PTPN21: variants seen among roughly 807,000 people sequenced by gnomAD.
PTPN21 encodes protein tyrosine phosphatase non-receptor type 21, also known as tyrosine-protein phosphatase non-receptor type 21.
Under a neutral mutation model 131.8 loss-of-function variants are expected in PTPN21, and 77 were observed. That is an observed-to-expected ratio of 0.58 (90% CI 0.49 to 0.71). The LOEUF is 0.71. Ranked by LOEUF, PTPN21 falls within the 30% of genes least tolerant of loss-of-function variation. PTPN21 has a pLI of 0.00. For synonymous variants in PTPN21, 715 were observed against 621.3 expected, an observed-to-expected ratio of 1.15 and a Z score of -2.24; for missense variants, 1,552 against 1,527.1, an observed-to-expected ratio of 1.02 and a Z score of -0.27.
intron 10 of PTPN21, among the ~76,000 whole-genome samples, chr14:88,488,449 G>GTC (rs2077769615): frequency 6.6e-6 from 1 of 152,144 alleles, no homozygotes; most frequent in African/African-American, 2.4e-5. Flanking sequence ...AGTTCTAATA[G>GTC]TCTAACCTTC....
intron 6 of PTPN21, chr14:88,503,978 G>T (rs2078050777): frequency 1.3e-5 from 2 of 159,270 alleles, no homozygotes; most frequent in African/African-American, 4.8e-5. Context: ...TCTTAGCATA[G>T]CTCCCCAGGT....
At chr14:88,542,644 T>G (rs2078722730) in intron 2 of PTPN21, among the ~76,000 whole-genome samples, 1 of 152,256 alleles carries the variant, frequency 6.6e-6, no homozygotes, top group Non-Finnish European at 1.5e-5. Flanking sequence ...TAGAATAGAC[T>G]TTAAAATGCA....
chr14:88,494,204 A>G (rs1373084653), intron 10 of PTPN21, among the ~76,000 whole-genome samples: 3 of 152,090 alleles, frequency 2.0e-5, no homozygotes, highest in African/African-American at 7.2e-5. Flanking sequence ...TGAGGGAGCA[A>G]GGCAGGTGGA....
chr14:88,503,056 T>C (rs1439259316), intron 6 of PTPN21, among the ~76,000 whole-genome samples: 2 of 150,432 alleles, frequency 1.3e-5, no homozygotes, highest in African/African-American at 4.9e-5. Context: ...TCTTTTTCTT[T>C]TTTTTTTTTT....
intron 8 of PTPN21, among the ~76,000 whole-genome samples, chr14:88,497,743 C>T (rs2077944099): frequency 6.6e-6 from 1 of 152,014 alleles, no homozygotes; most frequent in Admixed American, 6.5e-5. Flanking sequence ...CGCACCACTG[C>T]ACTCCAACCT....
chr14:88,485,128 T>C lies in PTPN21; in HGVS notation c.1026A>G (p.Pro342=), dbSNP rs761099302. The part of the protein sequence containing the change: ...PKPQPYVMPP[P]PQLHYNGHYT... ...AATGTCCATTATAGTGCAACTGCGGTGGGGGAGGCATCACGTAGGGCTGGG... is the reference window on the plus strand; with the variant it reads ...AATGTCCATTATAGTGCAACTGCGGCGGGGGAGGCATCACGTAGGGCTGGG... The change falls in exon 12 of 19, where the codon CCA becomes CCG. Residue 342 remains proline (P), a synonymous_variant. Transcript: ENST00000556564. 5.0e-6 allele frequency: 8 copies of C among 1,606,956 alleles called. No individual in the cohort carries two copies. Among genetic ancestry groups the C allele is most frequent in the Non-Finnish European group, 6.8e-6 (8 of 1,175,250 alleles).
intron 2 of PTPN21, among the ~76,000 whole-genome samples, chr14:88,536,300 A>G (rs1386267656): frequency 1.3e-5 from 2 of 152,212 alleles, no homozygotes; most frequent in Non-Finnish European, 2.9e-5. Context: ...ATTTCTTCAT[A>G]GTTGTTTAAA....
intron 12 of PTPN21, among the ~76,000 whole-genome samples, chr14:88,483,344 C>A (rs2077681334): frequency 6.6e-6 from 1 of 151,784 alleles, no homozygotes; most frequent in Non-Finnish European, 1.5e-5. Flanking sequence ...GTGAGACTAA[C>A]AATGCAGAGG....
At chr14:88,519,796 T>C (rs2078361986) in intron 2 of PTPN21, among the ~76,000 whole-genome samples, 1 of 152,216 alleles carries the variant, frequency 6.6e-6, no homozygotes, top group Non-Finnish European at 1.5e-5. Flanking sequence ...TCTTGCTTCT[T>C]AGTTGCCACC....
At chr14:88,518,273 T>TATACACAC (rs763756368) in intron 2 of PTPN21, among the ~76,000 whole-genome samples, 7 of 68,226 alleles carry the variant, frequency 1.0e-4, no homozygotes, top group African/African-American at 5.1e-4. Context: ...TATATATATA[T>TATACACAC]ACACACACAC....
chr14:88,511,400 C>T (rs73317739), intron 3 of PTPN21, among the ~76,000 whole-genome samples: 52,731 of 151,844 alleles, frequency 0.35, 9,749 homozygotes, highest in African/African-American at 0.48. Flanking sequence ...AGGCCTGCTG[C>T]GGTGGCTCAT....
chr14:88,466,744 T>TAAAC lies in PTPN21; in HGVS notation c.*1389_*1392dup, dbSNP rs952425401. On this transcript the variant is annotated 3_prime_UTR_variant, in exon 19 of 19. Transcript: ENST00000556564. ...CTAAATGGGATGGGTGAGGGGGCAC[T>TAAAC]AAACAGCTAACACTGGCCAGGGAAT... 1 of 129,454 alleles carries TAAAC rather than the reference T, an allele frequency of 7.7e-6. No homozygotes were observed. The highest frequency in any genetic ancestry group is 2.9e-5 in the African/African-American group (1 of 34,914). 8.0% of individuals were successfully genotyped at this position (129,454 alleles called of 1,614,324 possible). A position where few individuals can be genotyped will look rare whatever the true frequency, so the allele number is the denominator to read the frequency against.
chr14:88,487,098 T>G (rs2077748585), intron 10 of PTPN21, among the ~76,000 whole-genome samples: 1 of 150,694 alleles, frequency 6.6e-6, no homozygotes, highest in South Asian at 2.1e-4. Flanking sequence ...AACAATAAGG[T>G]AAAAAAAGGA....
At chr14:88,489,448 TGG>T (rs2077789019) in intron 10 of PTPN21, among the ~76,000 whole-genome samples, 1 of 151,836 alleles carries the variant, frequency 6.6e-6, no homozygotes, top group African/African-American at 2.4e-5. Flanking sequence ...AAGACCAGCC[TGG>T]GCAACACAGC....
intron 12 of PTPN21, among the ~76,000 whole-genome samples, chr14:88,484,094 T>G (rs1595357689): frequency 6.6e-6 from 1 of 150,462 alleles, no homozygotes; most frequent in African/African-American, 2.5e-5. Flanking sequence ...CAGGCTGGAG[T>G]GCAGTAGCAC....
chr14:88,518,967 C>T (rs1045142887), intron 2 of PTPN21, among the ~76,000 whole-genome samples: 1 of 117,118 alleles, frequency 8.5e-6, no homozygotes, highest in Non-Finnish European at 1.8e-5. Flanking sequence ...GGTGAATTCT[C>T]TCTCTCCCTA....
intron 11 of PTPN21, among the ~76,000 whole-genome samples, 180 bp from the exon 12 acceptor site, chr14:88,485,340 A>C (rs568582518): frequency 1.3e-5 from 2 of 152,350 alleles, no homozygotes; most frequent in African/African-American, 4.8e-5. Flanking sequence ...CTGTTTCCCC[A>C]AATGGCAATG....
chr14:88,531,909 G>A (rs2078559791), intron 2 of PTPN21, among the ~76,000 whole-genome samples: 1 of 152,086 alleles, frequency 6.6e-6, no homozygotes, highest in Non-Finnish European at 1.5e-5. Context: ...AATTAGAAAT[G>A]AACTGGGAGA....
At chr14:88,499,586 T>C (rs929298659) in intron 8 of PTPN21, among the ~76,000 whole-genome samples, 1 of 152,140 alleles carries the variant, frequency 6.6e-6, no homozygotes, top group African/African-American at 2.4e-5. Flanking sequence ...AAGCCTCAAT[T>C]ATCACACGTG....
Sources: allele counts gnomAD v4.1 joint callset (sites outside exome capture counted in the v4.1 genomes callset), GRCh38; gene constraint gnomAD v4.1.1; transcripts MANE v1.5; gene names NCBI Gene and HGNC (gene_info 2026-07-23, HGNC 2026-07-21).